Variants in NSUN6 observed in about 807,000 individuals in gnomAD.
The protein encoded by NSUN6 is tRNA (cytosine(72)-C(5))-methyltransferase NSUN6.
A neutral mutation model predicts 58.0 loss-of-function variants in NSUN6; 64 were observed. The ratio of observed to expected loss-of-function variants is 1.10; its 90% CI spans 0.90 to 1.36. The LOEUF is 1.36. Among genes scored for constraint, NSUN6 ranks in the 40% most tolerant of loss-of-function variants. NSUN6 has a pLI of 0.00. For synonymous variants in NSUN6, 231 were observed against 193.9 expected, an observed-to-expected ratio of 1.19 and a Z score of -1.59; for missense variants, 701 against 550.1, an observed-to-expected ratio of 1.27 and a Z score of -2.74.
At chr10:18,631,787 C>A (rs1247390513) in intron 3 of NSUN6, among the ~76,000 whole-genome samples, 1 of 151,856 alleles carries the variant, frequency 6.6e-6, no homozygotes, top group Admixed American at 6.6e-5. Flanking sequence ...ATTCCATGCT[C>A]ATGGGTAGGA....
At chr10:18,597,464 G>A (rs2057636049) in intron 6 of NSUN6, among the ~76,000 whole-genome samples, 1 of 152,098 alleles carries the variant, frequency 6.6e-6, no homozygotes, top group South Asian at 2.1e-4. Context: ...ACATCCATTA[G>A]TACACCCTCA....
chr10:18,641,999 C>T (rs112849000), intron 3 of NSUN6, among the ~76,000 whole-genome samples: 4,552 of 152,138 alleles, frequency 0.03, 253 homozygotes, highest in African/African-American at 0.1. Context: ...TCCAGAAGTT[C>T]GAGCCTGCAA....
intron 4 of NSUN6, among the ~76,000 whole-genome samples, chr10:18,615,515 CACA>C (rs1241095321): frequency 6.6e-6 from 1 of 152,064 alleles, no homozygotes; most frequent in Non-Finnish European, 1.5e-5. Context: ...TGTATCTTTT[CACA>C]ACATTTTAAA....
intron 8 of NSUN6, among the ~76,000 whole-genome samples, chr10:18,561,700 G>C (rs1389968118): frequency 6.6e-6 from 1 of 151,288 alleles, no homozygotes; most frequent in Non-Finnish European, 1.5e-5. Flanking sequence ...GAATAGAATG[G>C]AGAATGGAAT....
chr10:18,654,712 T>G (rs1201650242), upstream of NSUN6: 1 of 152,062 alleles, frequency 6.6e-6, no homozygotes, highest in African/African-American at 2.4e-5. Context: ...AAACCCCATC[T>G]GTACTAAAAA....
chr10:18,563,163 A>AGAATG (rs913207966), intron 8 of NSUN6, among the ~76,000 whole-genome samples: 5 of 150,080 alleles, frequency 3.3e-5, no homozygotes, highest in African/African-American at 9.8e-5. Flanking sequence ...AACAAAATGG[A>AGAATG]GAATGGAATG....
intron 8 of NSUN6, among the ~76,000 whole-genome samples, chr10:18,553,545 G>T (rs999348483): frequency 4.6e-5 from 7 of 151,580 alleles, no homozygotes; most frequent in Admixed American, 1.3e-4. Context: ...GAATGAAAGG[G>T]AGGATGGAAT....
chr10:18,561,021 G>A (rs989701073), intron 8 of NSUN6, among the ~76,000 whole-genome samples: 1 of 150,988 alleles, frequency 6.6e-6, no homozygotes, highest in Non-Finnish European at 1.5e-5. Context: ...GGAATGGAAT[G>A]GAGAATAGAA....
At chr10:18,554,959 T>C (rs2054876853) in intron 8 of NSUN6, among the ~76,000 whole-genome samples, 1 of 145,238 alleles carries the variant, frequency 6.9e-6, no homozygotes, top group African/African-American at 2.6e-5. Context: ...TGAAATGAAA[T>C]GGAGAATGGA....
In NSUN6 at chr10:18,642,913, T is replaced by A. The variant is rs528173946; in HGVS notation, c.232-358A>T. ...CTGAATAAGATGTTAAAGACTGAGA[T>A]TACTATTGATAAATACTACCTAATA... is the stretch of plus-strand genomic sequence containing the variant. On this transcript the variant is annotated intron_variant, in intron 2 of 10. Transcript: ENST00000377304. 3.7e-3 allele frequency among the ~76,000 whole-genome samples: 562 copies of A among 152,244 alleles called. 4 individuals are homozygous for A. The highest frequency in any genetic ancestry group is 0.012 in the African/African-American group (510 of 41,548).
At chr10:18,630,365 AC>A (rs2058983966) in intron 3 of NSUN6, among the ~76,000 whole-genome samples, 2 of 151,330 alleles carry the variant, frequency 1.3e-5, no homozygotes, top group Non-Finnish European at 2.9e-5. Flanking sequence ...AAGAGCAAAC[AC>A]ATTCAAAAGC....
At chr10:18,619,317 A>G (rs1472503832) in intron 3 of NSUN6, among the ~76,000 whole-genome samples, 2 of 152,210 alleles carry the variant, frequency 1.3e-5, no homozygotes, top group Non-Finnish European at 2.9e-5. Context: ...GACGGAGGGA[A>G]CTTACGGCTG....
chr10:18,604,986 T>A (rs1414166769), intron 6 of NSUN6, among the ~76,000 whole-genome samples: 7 of 150,846 alleles, frequency 4.6e-5, no homozygotes, highest in Non-Finnish European at 8.9e-5. Context: ...CCCGGGTTCA[T>A]GCCATTCTCC....
At chr10:18,653,181 C>T (rs1241037822), upstream of NSUN6, 8 of 984,700 alleles carry the variant, frequency 8.1e-6, no homozygotes, top group South Asian at 1.4e-4. Flanking sequence ...TTTTAAACTC[C>T]ACAAGGATAG....
chr10:18,646,128 G>A (rs974994480), intron 2 of NSUN6, among the ~76,000 whole-genome samples: 1 of 152,168 alleles, frequency 6.6e-6, no homozygotes, highest in African/African-American at 2.4e-5. Context: ...CTGGGAGGCA[G>A]AGGTTGCAGT....
At chr10:18,590,213 C>T (rs1438106812) in intron 7 of NSUN6, among the ~76,000 whole-genome samples, 2 of 152,146 alleles carry the variant, frequency 1.3e-5, no homozygotes, top group Non-Finnish European at 1.5e-5. Flanking sequence ...AGCTAACTAT[C>T]CTAAATATAT....
At chr10:18,599,151 C>T (rs116485595) in intron 6 of NSUN6, among the ~76,000 whole-genome samples, 1 of 152,342 alleles carries the variant, frequency 6.6e-6, no homozygotes, top group African/African-American at 2.4e-5. Context: ...AATCCTCCCA[C>T]ATCAGCCTCC....
At chr10:18,602,456 G>A (rs954116738) in intron 6 of NSUN6, among the ~76,000 whole-genome samples, 2 of 152,038 alleles carry the variant, frequency 1.3e-5, no homozygotes, top group African/African-American at 4.8e-5. Flanking sequence ...GGATGGTCTC[G>A]ATCTCCTGAA....
chr10:18,590,820 G>A (rs748706353), intron 7 of NSUN6, among the ~76,000 whole-genome samples: 4 of 152,058 alleles, frequency 2.6e-5, no homozygotes, highest in Admixed American at 6.6e-5. Context: ...ATCTGAAATC[G>A]ACACCCAAAC....
Sources: allele counts gnomAD v4.1 joint callset (sites outside exome capture counted in the v4.1 genomes callset), GRCh38; gene constraint gnomAD v4.1.1; transcripts MANE v1.5; gene names NCBI Gene and HGNC (gene_info 2026-07-23, HGNC 2026-07-21).